MSRB3: variants seen among roughly 807,000 people sequenced by gnomAD.
MSRB3 encodes the protein methionine sulfoxide reductase B3, also known as methionine-R-sulfoxide reductase B3.
MSRB3 carries 13 observed loss-of-function variants against 21.0 expected under a neutral mutation model. That is an observed-to-expected ratio of 0.62 (90% CI 0.40 to 0.98). The LOEUF (loss-of-function observed/expected upper bound fraction) is 0.98. MSRB3 is among the 50% of genes least tolerant of loss of function. MSRB3 has a pLI of 0.00. For missense variants in MSRB3, 199 were observed against 230.3 expected, an observed-to-expected ratio of 0.86 and a Z score of 0.88; for synonymous variants, 87 against 88.6, an observed-to-expected ratio of 0.98 and a Z score of 0.10.
intron 1 of MSRB3, among the ~76,000 whole-genome samples, chr12:65,298,383 A>G (rs1731299904): frequency 6.6e-6 from 1 of 152,242 alleles, no homozygotes; most frequent in African/African-American, 2.4e-5. Flanking sequence ...TGAGTTTGGG[A>G]TATAATAAGC....
At chr12:65,282,774 C>A (rs1453704606) in intron 1 of MSRB3, among the ~76,000 whole-genome samples, 3 of 150,734 alleles carry the variant, frequency 2.0e-5, no homozygotes, top group Non-Finnish European at 4.4e-5. Context: ...TATTATTGAG[C>A]CTTGATCCTA....
chr12:65,439,188 A>AG (rs1184157194), intron 5 of MSRB3, among the ~76,000 whole-genome samples: 1 of 151,846 alleles, frequency 6.6e-6, no homozygotes, highest in African/African-American at 2.4e-5. Flanking sequence ...CAGAGGATAA[A>AG]GGGGAATTAT....
intron 5 of MSRB3, among the ~76,000 whole-genome samples, chr12:65,413,073 A>G (rs1410678725): frequency 6.6e-6 from 1 of 152,208 alleles, no homozygotes; most frequent in African/African-American, 2.4e-5. Flanking sequence ...ATGCAGACAC[A>G]GAGCCAAACC....
At chr12:65,418,847 A>G in intron 5 of MSRB3, 1 of 822,816 alleles carries the variant, frequency 1.2e-6, no homozygotes, top group Non-Finnish European at 2.1e-6. Flanking sequence ...CCAAGACTGA[A>G]GTCCTTGATG....
At chr12:65,397,944 T>G (rs922316029) in intron 5 of MSRB3, among the ~76,000 whole-genome samples, 1 of 152,220 alleles carries the variant, frequency 6.6e-6, no homozygotes, top group African/African-American at 2.4e-5. Flanking sequence ...AAACTCATCC[T>G]TTTTTATGGC....
chr12:65,338,190 A>C (rs1875909948), intron 4 of MSRB3, among the ~76,000 whole-genome samples: 1 of 151,592 alleles, frequency 6.6e-6, no homozygotes, highest in East Asian at 1.9e-4. Flanking sequence ...TTTCTGAATA[A>C]TTTTTTTTTG....
At chr12:65,298,283 C>T (rs185859936) in intron 1 of MSRB3, among the ~76,000 whole-genome samples, 7 of 152,212 alleles carry the variant, frequency 4.6e-5, no homozygotes, top group South Asian at 2.1e-4. Flanking sequence ...GGAATATGGG[C>T]GTGAGCCACC....
intron 5 of MSRB3, among the ~76,000 whole-genome samples, chr12:65,388,827 G>A (rs559660475): frequency 1.8e-3 from 273 of 152,222 alleles, no homozygotes; most frequent in Admixed American, 2.9e-3. Flanking sequence ...CGCCATGATC[G>A]TTCGCTGCAC....
At chr12:65,305,510 G>C (rs909013206) in intron 1 of MSRB3, among the ~76,000 whole-genome samples, 1 of 152,150 alleles carries the variant, frequency 6.6e-6, no homozygotes, top group Non-Finnish European at 1.5e-5. Flanking sequence ...CTTTGGAGGT[G>C]AATGTCCTGA....
intron 2 of MSRB3, among the ~76,000 whole-genome samples, chr12:65,315,206 A>G (rs1874213699): frequency 3.3e-5 from 5 of 152,204 alleles, no homozygotes; most frequent in Admixed American, 2.6e-4. Flanking sequence ...TTAAGATGCA[A>G]CGATAAATTA....
intron 5 of MSRB3, among the ~76,000 whole-genome samples, chr12:65,407,544 T>G (rs1251052131): frequency 6.6e-6 from 1 of 152,162 alleles, no homozygotes; most frequent in Non-Finnish European, 1.5e-5. Flanking sequence ...TTTTGGTATT[T>G]ATCCTTCTTG....
At chr12:65,445,639 C>CAT (rs1484613425) in intron 5 of MSRB3, among the ~76,000 whole-genome samples, 1 of 141,962 alleles carries the variant, frequency 7.0e-6, no homozygotes, top group African/African-American at 2.6e-5. Flanking sequence ...TTTCAAGACA[C>CAT]ATATATATAA....
At chr12:65,355,315 G>A (rs1377508575) in intron 4 of MSRB3, among the ~76,000 whole-genome samples, 1 of 151,786 alleles carries the variant, frequency 6.6e-6, no homozygotes, top group Non-Finnish European at 1.5e-5. Context: ...CTCATTAGTG[G>A]TGCTGTTATT....
intron 5 of MSRB3, among the ~76,000 whole-genome samples, chr12:65,380,842 G>T (rs1343907570): frequency 6.6e-6 from 1 of 152,104 alleles, no homozygotes; most frequent in Non-Finnish European, 1.5e-5. Flanking sequence ...TAAGTAGTCC[G>T]ATTCGAGAGT....
intron 5 of MSRB3, among the ~76,000 whole-genome samples, chr12:65,405,658 C>G (rs983859256): frequency 6.6e-6 from 1 of 151,914 alleles, no homozygotes; most frequent in Non-Finnish European, 1.5e-5. Context: ...TTTAGGGGAA[C>G]CTCAATACTG....
intron 5 of MSRB3, among the ~76,000 whole-genome samples, chr12:65,383,613 A>G (rs1383730670): frequency 1.3e-5 from 2 of 152,092 alleles, no homozygotes; most frequent in East Asian, 1.9e-4. Flanking sequence ...GTTTTTATCT[A>G]AAGTAGGAAA....
At chr12:65,360,035 T>C (rs1341566836) in intron 4 of MSRB3, among the ~76,000 whole-genome samples, 1 of 152,056 alleles carries the variant, frequency 6.6e-6, no homozygotes, top group Non-Finnish European at 1.5e-5. Context: ...CGTTGGCTTG[T>C]AGATGGTTAT....
At chr12:65,419,886 C>T (rs767236338) in intron 5 of MSRB3, 276 of 635,316 alleles carry the variant, frequency 4.3e-4, no homozygotes, top group Non-Finnish European at 6.4e-4. Context: ...CATGGAGATC[C>T]GGGAACCAGA....
intron 1 of MSRB3, among the ~76,000 whole-genome samples, chr12:65,288,008 C>G (rs770637923): frequency 3.3e-5 from 5 of 151,780 alleles, no homozygotes; most frequent in African/African-American, 4.8e-5. Context: ...CCTGGTGTTG[C>G]TTTAAGATTC....
Sources: gnomAD v4.1 joint callset for allele counts (sites outside exome capture counted in the v4.1 genomes callset) on GRCh38, gnomAD v4.1.1 for gene constraint, MANE v1.5 for transcripts, NCBI Gene and HGNC (gene_info 2026-07-23, HGNC 2026-07-21) for gene names.